CDC14A: variants seen among roughly 807,000 people sequenced by gnomAD.
CDC14A encodes the protein cell division cycle 14A, also known as dual specificity protein phosphatase CDC14A.
A neutral mutation model predicts 74.4 loss-of-function variants in CDC14A; 53 were observed. The observed-to-expected ratio is 0.71, with a 90% confidence interval of 0.57 to 0.89. CDC14A has a LOEUF of 0.89. Ranked by LOEUF, CDC14A falls within the 40% of genes least tolerant of loss-of-function variation. The pLI, the probability that CDC14A is intolerant of heterozygous loss-of-function variation, is 0.00. For synonymous variants in CDC14A, 247 were observed against 258.4 expected (o/e 0.96, Z 0.43); for missense variants, 646 against 713.7 (o/e 0.91, Z 1.08).
At chr1:100,466,882 A>AT (rs1383945636) in intron 9 of CDC14A, among the ~76,000 whole-genome samples, 32 of 149,290 alleles carry the variant, frequency 2.1e-4, no homozygotes, top group African/African-American at 7.3e-4. Context: ...AAAAAAAAAA[A>AT]AAAAAAAAGA....
chr1:100,356,483 G>GA, intron 2 of CDC14A, among the ~76,000 whole-genome samples: 1 of 152,004 alleles, frequency 6.6e-6, no homozygotes, highest in South Asian at 2.1e-4. Flanking sequence ...AGTTGCAGAG[G>GA]ACATATATCC....
chr1:100,422,903 AG>A (rs1662530168), intron 4 of CDC14A, among the ~76,000 whole-genome samples: 1 of 152,188 alleles, frequency 6.6e-6, no homozygotes, highest in African/African-American at 2.4e-5. Flanking sequence ...AGCTCAAAGA[AG>A]GTCTGTAAGT....
chr1:100,410,727 C>T (rs938400361), intron 4 of CDC14A, among the ~76,000 whole-genome samples: 35 of 152,204 alleles, frequency 2.3e-4, no homozygotes, highest in African/African-American at 8.2e-4. Context: ...AAATATTTTA[C>T]TTCTGAATTA....
At chr1:100,420,082 A>ATATATATATATATAGAGTGT (rs58124351) in intron 4 of CDC14A, among the ~76,000 whole-genome samples, 1 of 105,526 alleles carries the variant, frequency 9.5e-6, no homozygotes, top group African/African-American at 3.3e-5. Flanking sequence ...ATATATATAT[A>ATATATATATATATAGAGTGT]GTGTGTATGT....
At position 100,390,807 on chromosome 1, in the gene CDC14A, T is replaced by C. The variant is rs1408969746; in HGVS notation, c.292T>C (p.Leu98=). The part of the protein sequence containing the change: ...DQRKRANAAF[L]IGAYAVIYLK... ...ACGGAAAAGAGCAAATGCAGCATTT[T>C]TGATAGGTGCCTATGCAGTAAGTAC... Residue 98 remains leucine (L), a synonymous_variant, in exon 4 of 16, where the codon TTG becomes CTG. Coordinates refer to ENST00000336454, the MANE Select transcript of CDC14A (RefSeq NM_003672.4). 2 of 1,611,554 alleles carry C rather than the reference T, an allele frequency of 1.2e-6. No individual in the cohort carries two copies. The highest frequency in any genetic ancestry group is 3.3e-5 in the Admixed American group (2 of 60,018).
chr1:100,460,306 G>T (rs1369187510), intron 8 of CDC14A, among the ~76,000 whole-genome samples: 1 of 152,118 alleles, frequency 6.6e-6, no homozygotes, highest in East Asian at 1.9e-4. Flanking sequence ...AGTCTATTTA[G>T]GCATGTTAGC....
chr1:100,357,807 T>A (rs1652137856), intron 2 of CDC14A, among the ~76,000 whole-genome samples: 1 of 151,894 alleles, frequency 6.6e-6, no homozygotes, highest in African/African-American at 2.4e-5. Context: ...TTAGAAGCGA[T>A]TGTTTTTGAA....
chr1:100,472,017 AGAGAGT>A (rs1197638685), intron 10 of CDC14A, among the ~76,000 whole-genome samples: 1 of 152,208 alleles, frequency 6.6e-6, no homozygotes, highest in Non-Finnish European at 1.5e-5. Context: ...GACACTATTA[AGAGAGT>A]GAAAATGAAA....
intron 11 of CDC14A, among the ~76,000 whole-genome samples, chr1:100,491,566 A>ATTT (rs1670667031): frequency 4.9e-5 from 4 of 80,808 alleles, no homozygotes; most frequent in African/African-American, 2.3e-4. Flanking sequence ...ATATATATAT[A>ATTT]TATATATTTT....
At chr1:100,489,369 G>A (rs1208574110) in intron 11 of CDC14A, among the ~76,000 whole-genome samples, 1 of 151,936 alleles carries the variant, frequency 6.6e-6, no homozygotes, top group Non-Finnish European at 1.5e-5. Flanking sequence ...ATTCCCTAGT[G>A]TGCTATATTC....
upstream of CDC14A, among the ~76,000 whole-genome samples, chr1:100,351,961 G>C (rs1035739666): frequency 8.1e-5 from 12 of 148,076 alleles, no homozygotes; most frequent in Middle Eastern, 3.4e-3. Context: ...ACGGAGATCT[G>C]AGGTTTTTAC....
chr1:100,380,572 C>T (rs1398853163), intron 3 of CDC14A, among the ~76,000 whole-genome samples: 1 of 152,210 alleles, frequency 6.6e-6, no homozygotes, highest in African/African-American at 2.4e-5. Flanking sequence ...TTTGCACATT[C>T]TGTCCCTCTC....
chr1:100,510,538 C>T (rs1222901297), intron 15 of CDC14A, among the ~76,000 whole-genome samples: 1 of 152,190 alleles, frequency 6.6e-6, no homozygotes, highest in East Asian at 1.9e-4. Flanking sequence ...CTCTTTCTGA[C>T]CCTGCCTGTT....
chr1:100,439,707 T>C (rs1329852463), intron 5 of CDC14A, among the ~76,000 whole-genome samples: 1 of 152,186 alleles, frequency 6.6e-6, no homozygotes, highest in Non-Finnish European at 1.5e-5. Context: ...GCAGTCGGAC[T>C]CAGGAACGCA....
At chr1:100,380,470 A>C (rs1163221429) in intron 3 of CDC14A, among the ~76,000 whole-genome samples, 1 of 152,140 alleles carries the variant, frequency 6.6e-6, no homozygotes, top group African/African-American at 2.4e-5. Flanking sequence ...TGCCTCTTTC[A>C]TTCCAGTAAG....
In CDC14A at chr1:100,397,934, A is replaced by G. The variant is rs547569998; in HGVS notation, c.309+7110A>G. Among the ~76,000 whole-genome samples the G allele has an allele frequency of 2.6e-5, 4 of 152,266 alleles. No homozygotes were observed. In the East Asian group the frequency reaches 7.7e-4, roughly 29 times the overall value. On this transcript the variant is annotated intron_variant, in intron 4 of 15. Coordinates refer to ENST00000336454, the MANE Select transcript of CDC14A (RefSeq NM_003672.4). Reference sequence around the variant, plus strand: ...CTACACTTAAGACCTAAGTAGTTATACTCTACTGCTAAGTCTGTGACTAAT... The same window carrying G: ...CTACACTTAAGACCTAAGTAGTTATGCTCTACTGCTAAGTCTGTGACTAAT...
At chr1:100,395,895 C>G (rs1263569988) in intron 4 of CDC14A, among the ~76,000 whole-genome samples, 1 of 152,208 alleles carries the variant, frequency 6.6e-6, no homozygotes, top group Non-Finnish European at 1.5e-5. Flanking sequence ...AATGTTCTTA[C>G]TTCAGACCTC....
chr1:100,466,886 A>AG, intron 9 of CDC14A, among the ~76,000 whole-genome samples: 1 of 137,780 alleles, frequency 7.3e-6, no homozygotes, highest in South Asian at 2.1e-4. Context: ...AAAAAAAAAA[A>AG]AAAAGAAGGG....
intron 15 of CDC14A, among the ~76,000 whole-genome samples, chr1:100,517,523 A>G (rs1243784713): frequency 6.6e-6 from 1 of 152,176 alleles, no homozygotes; most frequent in Non-Finnish European, 1.5e-5. Context: ...GTAACTCTCT[A>G]TCTTTTCCTG....
Sources: allele counts gnomAD v4.1 joint callset (sites outside exome capture counted in the v4.1 genomes callset), GRCh38; gene constraint gnomAD v4.1.1; transcripts MANE v1.5; gene names NCBI Gene and HGNC (gene_info 2026-07-23, HGNC 2026-07-21).